ZNF544: variants seen among roughly 807,000 people sequenced by gnomAD.
ZNF544 encodes zinc finger protein 544, also known as zinc finger protein AF020591.
ZNF544 carries 10 observed loss-of-function variants against 13.5 expected under a neutral mutation model. The observed-to-expected ratio is 0.74, with a 90% CI of 0.46 to 1.25. ZNF544 has a LOEUF of 1.25. Ranked by LOEUF, ZNF544 falls within the 50% of genes most tolerant of loss-of-function variation. The probability of loss-of-function intolerance (pLI) is 0.00; values close to 1 mark genes in which losing one functional copy is unlikely to be tolerated. For synonymous variants in ZNF544, 323 were observed against 300.5 expected (o/e 1.07, Z -0.77); for missense variants, 896 against 845.6 (o/e 1.06, Z -0.74).
Position 58,260,806 on chromosome 19 carries a change from C to T in ZNF544, c.245-45C>T, listed in dbSNP as rs186306257. On this transcript the variant is annotated intron_variant, in intron 6 of 6. Coordinates refer to ENST00000687789, the MANE Select transcript of ZNF544 (RefSeq NM_014480.4). ...CCTTCATCTCCCCCTCCCCCTCCCC[C>T]TCTGATGCTTCTCCAGTAACTTAGG... 3,861 of 1,509,436 alleles carry T rather than the reference C, an allele frequency of 2.6e-3. 11 individuals are homozygous for T. Among genetic ancestry groups the T allele is most frequent in the Non-Finnish European group, 2.9e-3 (3,314 of 1,130,572 alleles). 93.5% of individuals were successfully genotyped at this position (1,509,436 alleles called of 1,614,324 possible).
chr19:58,271,616 G>A (rs569458688), intron 5 of ZNF544, among the ~76,000 whole-genome samples: 1 of 151,944 alleles, frequency 6.6e-6, no homozygotes, highest in Non-Finnish European at 1.5e-5. Flanking sequence ...AAAAAGTGAT[G>A]TCGGGAGGCT....
rs1216262188 is a variant in ZNF544 at position 58,262,310 on chromosome 19, A to G, written c.1704A>G (p.Arg568=). ...RWNSNLVIHQ[R]IHTGEKPYDC... ...ACTCTAACCTCGTCATACATCAGAG[A>G]ATTCATACTGGAGAGAAACCGTACG... Residue 568 remains arginine, a synonymous_variant, in exon 7 of 7, where the codon AGA becomes AGG. Transcript: ENST00000687789. The G allele has an allele frequency of 6.2e-7, 1 of 1,613,806 alleles. No individual in the cohort carries two copies. Among genetic ancestry groups the G allele is most frequent in the African/African-American group, 1.3e-5 (1 of 74,802 alleles).
chr19:58,262,979 A>C lies in ZNF544; in HGVS notation c.*225A>C. 1 of 1,357,236 alleles carries C rather than the reference A, an allele frequency of 7.4e-7. No homozygotes were observed. Among genetic ancestry groups the C allele is most frequent in the Middle Eastern group, 2.7e-4 (1 of 3,734 alleles). The allele number at this position is 1,357,236 out of a possible 1,614,324, so 84.1% of individuals were successfully genotyped here. ...CCTTAGTAAACACGAGAGGACACAC[A>C]CTGGAGGCAAACCCTATGAATGTGA... On this transcript the variant is annotated 3_prime_UTR_variant, in exon 7 of 7. Transcript: ENST00000687789.
At chr19:58,266,154 C>T (rs1438898047), downstream of ZNF544, among the ~76,000 whole-genome samples, 5 of 140,790 alleles carry the variant, frequency 3.6e-5, no homozygotes, top group South Asian at 2.2e-4. Flanking sequence ...TGCAGTGAGC[C>T]GAGACTGCGC....
chr19:58,245,121 G>A (rs1022285597), intron 4 of ZNF544, among the ~76,000 whole-genome samples: 1 of 151,670 alleles, frequency 6.6e-6, no homozygotes, highest in Non-Finnish European at 1.5e-5. Flanking sequence ...CTAATTTTTT[G>A]TAGAGATGGG....
intron 6 of ZNF544, among the ~76,000 whole-genome samples, chr19:58,254,223 CAA>C (rs879469139): frequency 7.0e-6 from 1 of 142,002 alleles, no homozygotes; most frequent in Non-Finnish European, 1.5e-5. Flanking sequence ...GACTCCATCT[CAA>C]AAAAAAAAAG....
chr19:58,241,179 AT>A (rs57421577), intron 3 of ZNF544, among the ~76,000 whole-genome samples: 2,915 of 72,460 alleles, frequency 0.04, 94 homozygotes, highest in Middle Eastern at 0.1. Context: ...ATATATATAT[AT>A]TTTTTTTTTT....
chr19:58,252,217 C>T (rs1313161874), intron 6 of ZNF544, among the ~76,000 whole-genome samples: 1 of 152,202 alleles, frequency 6.6e-6, no homozygotes, highest in Non-Finnish European at 1.5e-5. Context: ...TACAGCTTGT[C>T]TTTTAACCCT....
intron 3 of ZNF544, among the ~76,000 whole-genome samples, chr19:58,240,927 T>C (rs1432276805): frequency 6.6e-6 from 1 of 150,928 alleles, no homozygotes; most frequent in Non-Finnish European, 1.5e-5. Context: ...TTTCTTTTTC[T>C]TTTTCTCCTT....
At chr19:58,243,892 C>T in intron 3 of ZNF544, 73 bp from the exon 4 acceptor site, 1 of 1,298,544 alleles carries the variant, frequency 7.7e-7, no homozygotes, top group South Asian at 1.6e-5. Context: ...GCCCCGCGTT[C>T]TCTAGGGTGG....
intron 3 of ZNF544, among the ~76,000 whole-genome samples, chr19:58,239,943 C>T (rs1016543331): frequency 3.3e-5 from 5 of 151,588 alleles, no homozygotes; most frequent in African/African-American, 9.7e-5. Flanking sequence ...CGCATGTAAA[C>T]GGGAGTCCGG....
At chr19:58,267,676 T>TAAAAAAA (rs56839702), downstream of ZNF544, 1 of 108,932 alleles carries the variant, frequency 9.2e-6, no homozygotes. Flanking sequence ...AGACTCCATC[T>TAAAAAAA]AAAAAAAAAA....
At chr19:58,231,617 T>C (rs1293873899) in intron 3 of ZNF544, among the ~76,000 whole-genome samples, 1 of 152,186 alleles carries the variant, frequency 6.6e-6, no homozygotes, top group Non-Finnish European at 1.5e-5. Flanking sequence ...CAGGCTTGTC[T>C]CGAACTTCTA....
chr19:58,236,770 C>T (rs1263697095), intron 3 of ZNF544, among the ~76,000 whole-genome samples: 2 of 148,752 alleles, frequency 1.3e-5, no homozygotes, highest in Admixed American at 1.3e-4. Context: ...AAGACAGAGT[C>T]TCTCTCCATT....
intron 6 of ZNF544, among the ~76,000 whole-genome samples, chr19:58,249,792 G>C (rs559605907): frequency 1.3e-5 from 2 of 152,200 alleles, no homozygotes; most frequent in Admixed American, 1.3e-4. Context: ...ATTTGATTTC[G>C]TATGGTGATG....
intron 3 of ZNF544, among the ~76,000 whole-genome samples, chr19:58,242,680 G>A (rs779628044): frequency 6.6e-5 from 10 of 151,724 alleles, no homozygotes; most frequent in East Asian, 5.8e-4. Flanking sequence ...CCCGGCTAAC[G>A]TTTTGTGTTT....
intron 4 of ZNF544, among the ~76,000 whole-genome samples, chr19:58,244,348 G>A (rs1394042038): frequency 2.0e-5 from 3 of 151,760 alleles, no homozygotes; most frequent in Admixed American, 6.6e-5. Context: ...CCTTGAGGGT[G>A]GATGGAGCTA....
chr19:58,251,955 T>C (rs926155509), intron 6 of ZNF544, among the ~76,000 whole-genome samples: 8 of 152,216 alleles, frequency 5.3e-5, no homozygotes, highest in African/African-American at 1.9e-4. Flanking sequence ...GTTATCACTT[T>C]GGAGGCTTTG....
In ZNF544 at chr19:58,262,403, T is replaced by C; in HGVS notation, c.1797T>C (p.Thr599=). Reference sequence around the variant, plus strand: ...TAGTTGCACATAAAAGAACTCACACTGGAGAAAAGCCCTATGAATGTAACG... The same window carrying C: ...TAGTTGCACATAAAAGAACTCACACCGGAGAAAAGCCCTATGAATGTAACG... The part of the protein sequence containing the change: ...YQLVAHKRTH[T]GEKPYECNEC... Residue 599 remains threonine (T), a synonymous_variant, in exon 7 of 7, where the codon ACT becomes ACC. Coordinates refer to ENST00000687789, the MANE Select transcript of ZNF544 (RefSeq NM_014480.4). The C allele has an allele frequency of 6.2e-7, 1 of 1,614,228 alleles. No homozygotes were observed. Among genetic ancestry groups the C allele is most frequent in the Middle Eastern group, 1.6e-4 (1 of 6,062 alleles).
Sources: allele counts gnomAD v4.1 joint callset (sites outside exome capture counted in the v4.1 genomes callset), GRCh38; gene constraint gnomAD v4.1.1; transcripts MANE v1.5; gene names NCBI Gene and HGNC (gene_info 2026-07-23, HGNC 2026-07-21).